The following DMD variants were observed in gnomAD, a reference collection of about 807,000 sequenced individuals.
DMD encodes dystrophin.
DMD carries 63 observed loss-of-function variants against 330.1 expected under a neutral mutation model. That is an observed-to-expected ratio of 0.19 (90% CI 0.16 to 0.24). DMD has a LOEUF of 0.24. Ranked by LOEUF, DMD falls within the 10% of genes least tolerant of loss-of-function variation. The pLI, the probability that DMD is intolerant of heterozygous loss-of-function variation, is 1.00. For synonymous variants in DMD, 1,223 were observed against 959.8 expected (o/e 1.27, Z -5.07); for missense variants, 3,344 against 2,684.1 (o/e 1.25, Z -5.43).
At chrX:32,939,566 G>A (rs970321276) in intron 2 of DMD, among the ~76,000 whole-genome samples, 1 of 111,653 alleles carries the variant, frequency 9.0e-6, no homozygotes, top group East Asian at 2.8e-4. Context: ...ATTTTATGCA[G>A]CATTTCCACT....
At position 32,646,018 on chromosome X, in the gene DMD, A is replaced by T. The variant is rs547607935; in HGVS notation, c.961-866T>A. ...TAAAGGTGTGTAAGAGCAAGCAAGG[A>T]GGTCGATTAGAAAAATCTGGTGAGA... On this transcript the variant is annotated intron_variant, in intron 9 of 78. Coordinates refer to ENST00000357033, the MANE Select transcript of DMD (RefSeq NM_004006.3). Among the ~76,000 whole-genome samples the T allele has an allele frequency of 2.9e-4, 32 of 111,655 alleles. No individual in the cohort carries two copies. The South Asian group carries it at 0.011, about 39-fold the overall frequency.
chrX:33,170,654 T>C (rs2049291913), intron 1 of DMD, among the ~76,000 whole-genome samples: 1 of 111,854 alleles, frequency 8.9e-6, no homozygotes, highest in African/African-American at 3.2e-5. Flanking sequence ...ATCTTTCATA[T>C]TATTTTTACA....
At chrX:32,003,372 G>C (rs2150368055) in intron 44 of DMD, among the ~76,000 whole-genome samples, 1 of 111,831 alleles carries the variant, frequency 8.9e-6, no homozygotes, top group South Asian at 3.7e-4. Flanking sequence ...ATGTTACAAT[G>C]GACAGTGCTG....
At chrX:32,873,689 A>C (rs1002163465) in intron 2 of DMD, among the ~76,000 whole-genome samples, 5 of 112,396 alleles carry the variant, frequency 4.4e-5, no homozygotes, top group South Asian at 3.7e-4. Flanking sequence ...ACATAAAATG[A>C]TAACATTGTA....
intron 30 of DMD, among the ~76,000 whole-genome samples, chrX:32,398,245 GTAC>G (rs756854692): frequency 1.9e-4 from 18 of 96,541 alleles, no homozygotes; most frequent in African/African-American, 7.6e-4. Context: ...ACACAGCTTT[GTAC>G]TACTCTTTTT....
intron 9 of DMD, among the ~76,000 whole-genome samples, chrX:32,664,906 G>A (rs1197311629): frequency 9.0e-6 from 1 of 111,447 alleles, no homozygotes; most frequent in African/African-American, 3.3e-5. Context: ...GTCATATCAG[G>A]AATTTGTGTT....
chrX:32,972,443 G>C (rs2092416329), intron 2 of DMD, among the ~76,000 whole-genome samples: 1 of 111,468 alleles, frequency 9.0e-6, no homozygotes, highest in African/African-American at 3.3e-5. Flanking sequence ...GCCTCCTAAA[G>C]TGCTGGGATT....
At chrX:31,618,868 T>A (rs1208137850) in intron 55 of DMD, among the ~76,000 whole-genome samples, 1 of 110,717 alleles carries the variant, frequency 9.0e-6, no homozygotes, top group Admixed American at 9.7e-5. Context: ...TCTGAAAAAA[T>A]CTGAAATCCA....
intron 1 of DMD, among the ~76,000 whole-genome samples, chrX:33,328,561 C>T (rs189711420): frequency 3.9e-4 from 43 of 111,239 alleles, no homozygotes; most frequent in African/African-American, 1.3e-3. Context: ...TATTTTTGTT[C>T]ACAAAATCAA....
intron 30 of DMD, 138 bp from the exon 31 acceptor site, chrX:32,390,319 T>G (rs2097992728): frequency 2.0e-6 from 1 of 510,170 alleles, no homozygotes; most frequent in Admixed American, 2.7e-5. Flanking sequence ...TGGCCAAGAG[T>G]GGTGGTTCAC....
At chrX:31,934,343 C>G (rs938218308) in intron 45 of DMD, among the ~76,000 whole-genome samples, 1 of 111,664 alleles carries the variant, frequency 9.0e-6, no homozygotes, top group Non-Finnish European at 1.9e-5. Flanking sequence ...TTCAGTTTTC[C>G]TATATGATAA....
chrX:31,259,951 A>T (rs750013010), intron 63 of DMD, among the ~76,000 whole-genome samples: 2 of 111,985 alleles, frequency 1.8e-5, no homozygotes, highest in Non-Finnish European at 3.8e-5. Context: ...TTTTCTATCA[A>T]TATGTCCATT....
intron 1 of DMD, among the ~76,000 whole-genome samples, chrX:33,283,499 G>C (rs1303404053): frequency 9.5e-6 from 1 of 105,033 alleles, no homozygotes; most frequent in Non-Finnish European, 1.9e-5. Context: ...ACTCCAGCCT[G>C]GGTGACAAAG....
chrX:32,862,058 A>G (rs140546122), intron 2 of DMD, among the ~76,000 whole-genome samples: 1,126 of 111,529 alleles, frequency 0.01, 9 homozygotes, highest in East Asian at 0.051. Context: ...TGTTTTGTGG[A>G]CCTTAGCAGA....
intron 63 of DMD, among the ~76,000 whole-genome samples, chrX:31,251,233 G>A (rs1715854537): frequency 9.2e-6 from 1 of 109,284 alleles, no homozygotes; most frequent in Admixed American, 9.8e-5. Context: ...TGGGCTCAAG[G>A]GATCCTTCTG....
chrX:32,212,028 C>A (rs2097095531), intron 44 of DMD, among the ~76,000 whole-genome samples: 1 of 111,905 alleles, frequency 8.9e-6, no homozygotes, highest in Non-Finnish European at 1.9e-5. Flanking sequence ...ACTGAAGGGA[C>A]TTGAAAGCAC....
intron 55 of DMD, among the ~76,000 whole-genome samples, chrX:31,531,062 A>T (rs1317084693): frequency 1.2e-5 from 1 of 83,651 alleles, no homozygotes; most frequent in East Asian, 4.1e-4. Flanking sequence ...CATTTTCTTA[A>T]TCCAGTCTAT....
intron 44 of DMD, among the ~76,000 whole-genome samples, chrX:32,127,472 C>T (rs2096667036): frequency 9.0e-6 from 1 of 111,170 alleles, no homozygotes; most frequent in Admixed American, 9.6e-5. Flanking sequence ...CTGGCCTAAT[C>T]ACATTTACAC....
chrX:31,286,171 T>C (rs1466993097), intron 62 of DMD, among the ~76,000 whole-genome samples: 1 of 112,311 alleles, frequency 8.9e-6, no homozygotes, highest in Non-Finnish European at 1.9e-5. Flanking sequence ...TACCAAGTAA[T>C]GGAGGTTGTC....
Sources: gnomAD v4.1 joint callset for allele counts (sites outside exome capture counted in the v4.1 genomes callset) on GRCh38, gnomAD v4.1.1 for gene constraint, MANE v1.5 for transcripts, NCBI Gene and HGNC (gene_info 2026-07-23, HGNC 2026-07-21) for gene names.